NDC1: variants seen among roughly 807,000 people sequenced by gnomAD.
NDC1 encodes the protein nucleoporin NDC1.
In NDC1, 24 loss-of-function variants were observed where a neutral mutation model predicts 89.8. That is an observed-to-expected ratio of 0.27 (90% CI 0.19 to 0.38). NDC1 has a LOEUF of 0.38. NDC1 is among the 10% of genes least tolerant of loss of function. The pLI is 1.00. For missense variants in NDC1, 728 were observed against 797.6 expected (o/e 0.91, Z 1.05); for synonymous variants, 296 against 284.8 (o/e 1.04, Z -0.39).
chr1:53,838,219 C>T lies in NDC1; in HGVS notation c.43G>A (p.Asp15Asn). 1 of 1,535,894 alleles carries T rather than the reference C, an allele frequency of 6.5e-7. No homozygotes were observed. The highest frequency in any genetic ancestry group is 2.4e-5 in the East Asian group (1 of 40,846). The change falls in exon 1 of 18, where the codon GAC becomes AAC. Residue 15 changes from aspartate to asparagine, a missense_variant. Asp to Asn is a conservative substitution (Grantham distance 23). Coordinates refer to ENST00000371429, the MANE Select transcript of NDC1 (RefSeq NM_018087.5). ...GCCGCACTCACGCGCCACAGTATGT[C>T]CCGCGACCTGCCGGCGCAGGGCCGG... is the stretch of plus-strand genomic sequence containing the variant. ...VSRPCAGRSR[D>N]ILWRVLGWRI...
intron 16 of NDC1, among the ~76,000 whole-genome samples, chr1:53,776,488 G>T (rs1570156922): frequency 6.6e-6 from 1 of 152,250 alleles, no homozygotes; most frequent in East Asian, 1.9e-4. Context: ...ATGATAAAAT[G>T]ATACTACCTT....
chr1:53,768,511 C>T (rs1403918800), intron 17 of NDC1, among the ~76,000 whole-genome samples: 1 of 152,154 alleles, frequency 6.6e-6, no homozygotes, highest in Non-Finnish European at 1.5e-5. Flanking sequence ...AGATTTACTT[C>T]TCCCTTTGAA....
intron 11 of NDC1, among the ~76,000 whole-genome samples, chr1:53,797,853 C>T (rs1647772706): frequency 6.6e-6 from 1 of 151,520 alleles, no homozygotes; most frequent in African/African-American, 2.4e-5. Context: ...TCTTGAACTC[C>T]TGGGCTCAAG....
At chr1:53,804,514 T>C (rs1330503122) in intron 9 of NDC1, among the ~76,000 whole-genome samples, 1 of 152,212 alleles carries the variant, frequency 6.6e-6, no homozygotes, top group Admixed American at 6.5e-5. Context: ...TCTCACTCTG[T>C]TGCCCAGGCT....
chr1:53,828,829 C>A (rs1435263600), intron 3 of NDC1, among the ~76,000 whole-genome samples: 1 of 151,976 alleles, frequency 6.6e-6, no homozygotes, highest in Non-Finnish European at 1.5e-5. Flanking sequence ...TCAGGCTGGT[C>A]TCAAACTCCT....
intron 17 of NDC1, among the ~76,000 whole-genome samples, chr1:53,768,958 T>G (rs1486519068): frequency 6.6e-6 from 1 of 152,324 alleles, no homozygotes; most frequent in South Asian, 2.1e-4. Context: ...GGTAGTAAAG[T>G]GTCCCTTACA....
chr1:53,787,290 A>G, intron 15 of NDC1, 32 bp from the exon 16 acceptor site: 1 of 1,248,070 alleles, frequency 8.0e-7, no homozygotes, highest in Non-Finnish European at 1.1e-6. Context: ...GTTAAAAGTC[A>G]ATCAAAATTA....
intron 6 of NDC1, among the ~76,000 whole-genome samples, 198 bp downstream of exon 6, chr1:53,818,773 C>T (rs946453818): frequency 6.6e-6 from 1 of 152,166 alleles, no homozygotes; most frequent in Non-Finnish European, 1.5e-5. Context: ...AATAATATTT[C>T]GTTATAGGCA....
At chr1:53,786,648 G>A (rs888779286) in intron 16 of NDC1, among the ~76,000 whole-genome samples, 1 of 152,140 alleles carries the variant, frequency 6.6e-6, no homozygotes, top group African/African-American at 2.4e-5. Context: ...TTCTGTTTCT[G>A]TAAAATTTTA....
chr1:53,837,246 A>G (rs142701399), intron 1 of NDC1, among the ~76,000 whole-genome samples: 196 of 152,250 alleles, frequency 1.3e-3, no homozygotes, highest in African/African-American at 4.7e-3. Context: ...GCTGGAGAAG[A>G]TATCGTATCT....
intron 13 of NDC1, among the ~76,000 whole-genome samples, chr1:53,795,054 C>T (rs1213679346): frequency 6.6e-6 from 1 of 152,154 alleles, no homozygotes; most frequent in Admixed American, 6.5e-5. Context: ...CAGCCAACAG[C>T]TCTTGTCAAG....
At chr1:53,809,778 A>T (rs367576439) in intron 6 of NDC1, 32 bp from the exon 7 acceptor site, 13 of 1,572,010 alleles carry the variant, frequency 8.3e-6, no homozygotes, top group African/African-American at 8.1e-5. Flanking sequence ...CTATGAACAT[A>T]AAAAGTTATA....
intron 6 of NDC1, among the ~76,000 whole-genome samples, chr1:53,813,067 C>T (rs548625698): frequency 6.6e-6 from 1 of 152,254 alleles, no homozygotes; most frequent in South Asian, 2.1e-4. Context: ...TGAGAGAATT[C>T]GCCATTACCA....
At chr1:53,777,526 T>C (rs1647172530) in intron 16 of NDC1, among the ~76,000 whole-genome samples, 1 of 152,146 alleles carries the variant, frequency 6.6e-6, no homozygotes, top group Non-Finnish European at 1.5e-5. Context: ...AATGTGTCCT[T>C]AACCCCTCTC....
Position 53,830,603 on chromosome 1 carries a change from G to A in NDC1, c.280+1887C>T, listed in dbSNP as rs543632027. Among the ~76,000 whole-genome samples the A allele has an allele frequency of 1.2e-4, 19 of 152,310 alleles. No homozygotes were observed. The South Asian group carries it at 3.9e-3, about 32-fold the overall frequency. ...AGGCTGGGCGCGGTGGCTCATGCTTGTAATCCCAACACTTTGGAAGGCCGA... is the reference window on the plus strand; with the variant it reads ...AGGCTGGGCGCGGTGGCTCATGCTTATAATCCCAACACTTTGGAAGGCCGA... On this transcript the variant is annotated intron_variant, in intron 3 of 17. Coordinates refer to ENST00000371429, the MANE Select transcript of NDC1 (RefSeq NM_018087.5).
chr1:53,787,722 C>T (rs778447091), intron 15 of NDC1, among the ~76,000 whole-genome samples: 1 of 147,918 alleles, frequency 6.8e-6, no homozygotes, highest in Non-Finnish European at 1.5e-5. Context: ...AATAGAAAAA[C>T]GGGCAAAAAA....
intron 16 of NDC1, among the ~76,000 whole-genome samples, chr1:53,776,759 A>G (rs1647166729): frequency 6.6e-6 from 1 of 152,228 alleles, no homozygotes; most frequent in Admixed American, 6.5e-5. Flanking sequence ...AATGAAAACT[A>G]AAAGACTACA....
intron 14 of NDC1, among the ~76,000 whole-genome samples, chr1:53,790,510 C>T (rs1018668511): frequency 3.0e-4 from 45 of 152,068 alleles, no homozygotes; most frequent in African/African-American, 1.1e-3. Flanking sequence ...AGTTTGAGAC[C>T]AGCCTGGTCA....
Position 53,798,031 on chromosome 1 carries a change from C to T in NDC1, c.1223-887G>A, listed in dbSNP as rs188844114. Among the ~76,000 whole-genome samples, 4 of 151,982 alleles carry T rather than the reference C, an allele frequency of 2.6e-5. No individual in the cohort carries two copies. The East Asian group carries it at 5.8e-4, about 22-fold the overall frequency. The stretch of plus-strand genomic sequence containing the variant: ...CTTTTTCAAAAGTCATCTTATGACT[C>T]TCCAATTTAGTAATAGAGTCTGTTA... On this transcript the variant is annotated intron_variant, in intron 11 of 17. Coordinates refer to ENST00000371429, the MANE Select transcript of NDC1 (RefSeq NM_018087.5).
Sources: gnomAD v4.1 joint callset for allele counts (sites outside exome capture counted in the v4.1 genomes callset) on GRCh38, gnomAD v4.1.1 for gene constraint, MANE v1.5 for transcripts, NCBI Gene and HGNC (gene_info 2026-07-23, HGNC 2026-07-21) for gene names.